The following TUT7 variants were observed in gnomAD, a reference collection of about 807,000 sequenced individuals.
TUT7 encodes terminal uridylyl transferase 7, also known as terminal uridylyltransferase 7.
TUT7 carries 33 observed loss-of-function variants against 165.9 expected under a neutral mutation model. The observed-to-expected ratio is 0.20, with a 90% CI of 0.15 to 0.27. The LOEUF (loss-of-function observed/expected upper bound fraction) is 0.27, where lower values mean the gene tolerates loss of function less well. TUT7 is among the 10% of genes least tolerant of loss of function. The probability of loss-of-function intolerance (pLI) is 1.00; values close to 1 mark genes in which losing one functional copy is unlikely to be tolerated. For missense variants in TUT7, 1,338 were observed against 1,762.3 expected, an observed-to-expected ratio of 0.76 and a Z score of 4.31; for synonymous variants, 552 against 608.1, an observed-to-expected ratio of 0.91 and a Z score of 1.36.
Position 86,337,509 on chromosome 9 carries a change from T to A in TUT7, c.1365A>T (p.Gly455=). The A allele has an allele frequency of 1.2e-6, 2 of 1,613,432 alleles. No homozygotes were observed. Among genetic ancestry groups the A allele is most frequent in the African/African-American group, 1.3e-5 (1 of 74,998 alleles). The change falls in exon 10 of 27, where the codon GGA becomes GGT. Residue 455 remains glycine (G), a synonymous_variant. Coordinates refer to ENST00000375963, the MANE Select transcript of TUT7 (RefSeq NM_024617.4). The stretch of plus-strand genomic sequence containing the variant: ...GGGCAAACACATAAGGTGGCAGACC[T>A]CCTTCTTCAGGGCGATCTATACTGC... ...KLCSIDRPEE[G]GLPPYVFALM...
intron 10 of TUT7, among the ~76,000 whole-genome samples, chr9:86,332,289 A>G (rs1830388239): frequency 6.6e-6 from 1 of 152,200 alleles, no homozygotes; most frequent in African/African-American, 2.4e-5. Flanking sequence ...GAATCAACCT[A>G]AACGCCTATC....
chr9:86,307,562 T>A (rs1189456429), intron 22 of TUT7, among the ~76,000 whole-genome samples: 1 of 152,162 alleles, frequency 6.6e-6, no homozygotes, highest in Non-Finnish European at 1.5e-5. Flanking sequence ...TTATTAAAAT[T>A]AAAAAAATAT....
chr9:86,290,387 G>A (rs1284819556), intron 26 of TUT7, among the ~76,000 whole-genome samples: 1 of 151,970 alleles, frequency 6.6e-6, no homozygotes, highest in African/African-American at 2.4e-5. Context: ...ATCGAGATAA[G>A]CAACTCACAA....
In TUT7 at chr9:86,346,383, C is replaced by T; in HGVS notation, c.618G>A (p.Glu206=). The change falls in exon 3 of 27, where the codon GAG becomes GAA. Residue 206 remains glutamate, a synonymous_variant. Coordinates refer to ENST00000375963, the MANE Select transcript of TUT7 (RefSeq NM_024617.4). ...DGDLEGPVID[E]SVLSTKELLG... ...GCAGCTCCTTCGTTGAAAGTACAGACTCATCGATCACAGGGCCTTCCAAGT... is the reference window on the plus strand; with the variant it reads ...GCAGCTCCTTCGTTGAAAGTACAGATTCATCGATCACAGGGCCTTCCAAGT... 1 of 1,614,116 alleles carries T rather than the reference C, an allele frequency of 6.2e-7. No homozygotes were observed. The highest frequency in any genetic ancestry group is 1.3e-5 in the African/African-American group (1 of 75,042).
chr9:86,347,679 T>TA (rs986274935), intron 2 of TUT7, among the ~76,000 whole-genome samples: 1 of 151,920 alleles, frequency 6.6e-6, no homozygotes, highest in Non-Finnish European at 1.5e-5. Context: ...ATTAAAAAAT[T>TA]AAAAAAAATT....
intron 14 of TUT7, among the ~76,000 whole-genome samples, chr9:86,319,973 T>C (rs1333511785): frequency 6.6e-6 from 1 of 152,114 alleles, no homozygotes; most frequent in Admixed American, 6.6e-5. Context: ...GCTGGGACTA[T>C]AGGCATGTAC....
At chr9:86,293,271 G>A (rs899473671) in intron 26 of TUT7, among the ~76,000 whole-genome samples, 1 of 152,122 alleles carries the variant, frequency 6.6e-6, no homozygotes, top group South Asian at 2.1e-4. Flanking sequence ...GCAACATGGC[G>A]AGACCCTGTC....
intron 2 of TUT7, among the ~76,000 whole-genome samples, chr9:86,347,875 G>A (rs533392849): frequency 9.9e-5 from 15 of 150,916 alleles, no homozygotes; most frequent in African/African-American, 3.7e-4. Flanking sequence ...TTTCTGGTCT[G>A]AACAATTTTT....
At chr9:86,301,713 GA>G (rs1826923909) in intron 25 of TUT7, 112 bp from the exon 26 acceptor site, 1 of 1,499,282 alleles carries the variant, frequency 6.7e-7, no homozygotes, top group Non-Finnish European at 8.8e-7. Context: ...ACCAGGAATA[GA>G]AAGTATTAAA....
chr9:86,308,218 A>C (rs1415815742), intron 22 of TUT7, among the ~76,000 whole-genome samples: 1 of 152,128 alleles, frequency 6.6e-6, no homozygotes. Context: ...TGTGTCCAAC[A>C]ATAGCAAAAA....
At chr9:86,347,588 G>T (rs77047217) in intron 2 of TUT7, among the ~76,000 whole-genome samples, 3,700 of 152,078 alleles carry the variant, frequency 0.024, 156 homozygotes, top group African/African-American at 0.083. Context: ...GAGCGCTAAA[G>T]GATAAGCAGC....
At position 86,301,455 on chromosome 9, in the gene TUT7, G is replaced by A. The variant is rs564674138; in HGVS notation, c.4241C>T (p.Thr1414Ile). ...STKEDKPIQCTPQKAKPMRAA... is the reference protein window; with the variant it reads ...STKEDKPIQCIPQKAKPMRAA... ...CCGCATTGGCTTGGCTTTCTGAGGT[G>A]TGCACTGTATGGGCTTATCTTCTTT... The change falls in exon 26 of 27, where the codon ACA becomes ATA. Residue 1414 changes from threonine (T) to isoleucine (I), a missense_variant. Around this residue, in one of 7 missense-constraint regions of TUT7, gnomAD observed 167 missense variants for 204.9 expected, o/e 0.82. Coordinates refer to ENST00000375963, the MANE Select transcript of TUT7 (RefSeq NM_024617.4). The A allele has an allele frequency of 2.4e-4, 391 of 1,614,154 alleles. 8 individuals are homozygous for A. The South Asian group carries it at 4.1e-3, about 17-fold the overall frequency.
Position 86,295,846 on chromosome 9 carries a change from GT to G in TUT7, c.4420+5429del, listed in dbSNP as rs769654002. 3.4e-3 allele frequency among the ~76,000 whole-genome samples: 510 copies of G among 147,968 alleles called. 4 individuals carry two copies. The highest frequency in any genetic ancestry group is 0.014 in the Middle Eastern group (4 of 284). On this transcript the variant is annotated intron_variant, in intron 26 of 26. Transcript: ENST00000375963. ...TGGAATAAATAAATAGACAGAGGTA[GT>G]TTTTTTTTTGTTTTTTGTTTTTTCG...
chr9:86,291,811 A>G (rs1179315267), intron 26 of TUT7, among the ~76,000 whole-genome samples: 1 of 152,202 alleles, frequency 6.6e-6, no homozygotes, highest in Non-Finnish European at 1.5e-5. Context: ...TAAAATGCAC[A>G]TAAGCTATGA....
At chr9:86,337,169 C>T (rs544821202) in intron 10 of TUT7, 8 of 373,866 alleles carry the variant, frequency 2.1e-5, no homozygotes, top group East Asian at 1.2e-4. Context: ...CAGGACCATA[C>T]ATATTTCAAA....
intron 9 of TUT7, among the ~76,000 whole-genome samples, 194 bp downstream of exon 9, chr9:86,338,629 T>C (rs995159977): frequency 2.6e-5 from 4 of 152,240 alleles, no homozygotes; most frequent in African/African-American, 9.6e-5. Context: ...TTTGATCTTT[T>C]GAGCAATACC....
chr9:86,349,700 C>T (rs2131616020), intron 2 of TUT7, among the ~76,000 whole-genome samples: 1 of 152,284 alleles, frequency 6.6e-6, no homozygotes. Flanking sequence ...TTAGTTTATA[C>T]TTTCAGTTGA....
chr9:86,312,056 G>A (rs1336219089), intron 17 of TUT7, among the ~76,000 whole-genome samples: 2 of 152,208 alleles, frequency 1.3e-5, no homozygotes, highest in African/African-American at 4.8e-5. Context: ...TCTGGGAAGT[G>A]AGGAGCATCT....
intron 6 of TUT7, 117 bp downstream of exon 6, chr9:86,342,958 C>T (rs1424813692): frequency 2.9e-6 from 2 of 685,392 alleles, no homozygotes; most frequent in Non-Finnish European, 4.8e-6. Flanking sequence ...CAAGCGGATG[C>T]TGTCATTACA....
Sources: gnomAD v4.1 joint callset for allele counts (sites outside exome capture counted in the v4.1 genomes callset) on GRCh38, gnomAD v4.1.1 for gene constraint, gnomAD v4.1.1 regional missense constraint, MANE v1.5 for transcripts, NCBI Gene and HGNC (gene_info 2026-07-23, HGNC 2026-07-21) for gene names.